The following EOGT variants were observed in gnomAD, a reference collection of about 807,000 sequenced individuals.
The protein encoded by EOGT is EGF domain specific O-linked N-acetylglucosamine transferase.
Under a neutral mutation model 70.5 loss-of-function variants are expected in EOGT, and 55 were observed. That is an observed-to-expected ratio of 0.78 (90% CI 0.63 to 0.98). The LOEUF is 0.98. Ranked by LOEUF, EOGT falls within the 50% of genes least tolerant of loss-of-function variation. EOGT has a pLI of 0.00. For missense variants in EOGT, 703 were observed against 641.9 expected (o/e 1.10, Z -1.03); for synonymous variants, 246 against 217.1 (o/e 1.13, Z -1.17).
At position 68,977,898 on chromosome 3, in the gene EOGT, T is replaced by G. The variant is rs1004500491; in HGVS notation, c.1438-134A>C. ...TCAGAGACCAGCAAACTTTTCCTGA[T>G]AAGGGCCAGATGATAAATATTTTCA... On this transcript the variant is annotated intron_variant, in intron 17 of 17. Transcript: ENST00000383701. The G allele has an allele frequency of 3.6e-6, 3 of 831,306 alleles. No individual in the cohort carries two copies. The African/African-American group carries it at 5.2e-5, about 14-fold the overall frequency. 51.5% of individuals were successfully genotyped at this position (831,306 alleles called of 1,614,324 possible).
chr3:68,998,613 G>A (rs1231625478), intron 9 of EOGT, among the ~76,000 whole-genome samples: 3 of 152,120 alleles, frequency 2.0e-5, no homozygotes, highest in Admixed American at 6.6e-5. Context: ...CAGCACTTTG[G>A]GAGGCTGAGG....
chr3:69,008,746 C>A (rs567821127), intron 4 of EOGT, among the ~76,000 whole-genome samples: 3 of 152,192 alleles, frequency 2.0e-5, no homozygotes, highest in Non-Finnish European at 4.4e-5. Flanking sequence ...CCATATCGGT[C>A]CCCTAACCGA....
Position 68,977,337 on chromosome 3 carries a change from AG to A in EOGT, c.*280del. The A allele has an allele frequency of 1.2e-5, 3 of 256,934 alleles. No individual in the cohort carries two copies. The highest frequency in any genetic ancestry group is 6.0e-5 in the South Asian group (1 of 16,688). 15.9% of individuals were successfully genotyped at this position (256,934 alleles called of 1,614,324 possible). A position where few individuals can be genotyped will look rare whatever the true frequency, so the allele number is the denominator to read the frequency against. The stretch of plus-strand genomic sequence containing the variant: ...AGACTCTGTCTCCAAAAAAAAAAAA[AG>A]AAAGAAAGAAAGTTAAAGTATACTG... On this transcript the variant is annotated 3_prime_UTR_variant, in exon 18 of 18. Coordinates refer to ENST00000383701, the MANE Select transcript of EOGT (RefSeq NM_001278689.2).
chr3:68,980,042 A>G (rs1317798102), intron 15 of EOGT, among the ~76,000 whole-genome samples: 1 of 152,164 alleles, frequency 6.6e-6, no homozygotes, highest in Non-Finnish European at 1.5e-5. Flanking sequence ...GGAAACTTTA[A>G]TATCTGTCTT....
At chr3:69,005,281 CAAA>C in intron 6 of EOGT, 47 bp from the exon 7 acceptor site, 1 of 1,082,110 alleles carries the variant, frequency 9.2e-7, no homozygotes, top group Non-Finnish European at 1.4e-6. Flanking sequence ...ATTAACACAG[CAAA>C]GACTCATCCG....
At chr3:69,006,058 A>G (rs906848260) in intron 6 of EOGT, among the ~76,000 whole-genome samples, 1 of 152,196 alleles carries the variant, frequency 6.6e-6, no homozygotes, top group South Asian at 2.1e-4. Context: ...TACCCAGTCT[A>G]TGGTATTTTG....
rs2090473708 is a variant in EOGT at position 68,976,423 on chromosome 3, A to G, written c.*1195T>C. The G allele has an allele frequency of 6.6e-6, 1 of 152,230 alleles. No homozygotes were observed. Among genetic ancestry groups the G allele is most frequent in the Non-Finnish European group, 1.5e-5 (1 of 68,038 alleles). 9.4% of individuals were successfully genotyped at this position (152,230 alleles called of 1,614,324 possible). ...CTAAGAAGGAATCAGTGGAAACCAGACAGAAGGTATGCAAGACAGTCCTAC... is the reference window on the plus strand; with the variant it reads ...CTAAGAAGGAATCAGTGGAAACCAGGCAGAAGGTATGCAAGACAGTCCTAC... On this transcript the variant is annotated 3_prime_UTR_variant, in exon 18 of 18. Transcript: ENST00000383701.
rs2090457639 is a variant in EOGT, at chr3:68,975,792, T to A, written c.*1826A>T. On this transcript the variant is annotated 3_prime_UTR_variant, in exon 18 of 18. Coordinates refer to ENST00000383701, the MANE Select transcript of EOGT (RefSeq NM_001278689.2). ...AGGTATTTTAATAAATATTCCTCAA[T>A]TCTAGAAGACTGTTCCAATCCTTTA... 6.6e-6 allele frequency: 1 copy of A among 152,196 alleles called. No homozygotes were observed. Among genetic ancestry groups the A allele is most frequent in the Admixed American group, 6.5e-5 (1 of 15,280 alleles). The allele number at this position is 152,196 out of a possible 1,614,324, so 9.4% of individuals were successfully genotyped here.
In EOGT at chr3:68,977,721, T is replaced by C; in HGVS notation, c.1481A>G (p.Tyr494Cys). 2 of 1,613,608 alleles carry C rather than the reference T, an allele frequency of 1.2e-6. No individual in the cohort carries two copies. The highest frequency in any genetic ancestry group is 1.7e-6 in the Non-Finnish European group (2 of 1,179,856). ...TLGEHPKFTN[Y>C]SFDVEEFMYL... The stretch of plus-strand genomic sequence containing the variant: ...CATAAATTCTTCTACATCGAAAGAG[T>C]AGTTGGTGAACTTCGGGTGCTCCCC... Residue 494 changes from tyrosine to cysteine, a missense_variant, in exon 18 of 18, where the codon TAC (tyrosine) becomes TGC (cysteine). By Grantham distance (194) the Tyr-to-Cys change is radical. Transcript: ENST00000383701.
rs1009453866 is a variant in EOGT, at chr3:68,990,370, T to G, written c.832-1353A>C. 1.0e-4 allele frequency among the ~76,000 whole-genome samples: 11 copies of G among 106,310 alleles called. No individual in the cohort carries two copies. The South Asian group carries it at 3.1e-3, about 30-fold the overall frequency. 69.7% of individuals were successfully genotyped at this position (106,310 alleles called of 152,430 possible). ...ATGCTTTTTTTTTTTTTTTTTTTTT[T>G]GAGACTGAGTCTCACCCTGTTGCCC... On this transcript the variant is annotated intron_variant, in intron 10 of 17. Transcript: ENST00000383701.
intron 14 of EOGT, among the ~76,000 whole-genome samples, chr3:68,983,957 C>G (rs948771013): frequency 3.3e-5 from 5 of 152,180 alleles, no homozygotes; most frequent in African/African-American, 2.4e-5. Flanking sequence ...GAGCAAAACT[C>G]TGTCTAAAAA....
At chr3:68,988,197 A>G (rs1202129949) in intron 13 of EOGT, 98 bp downstream of exon 13, 25 of 860,396 alleles carry the variant, frequency 2.9e-5, no homozygotes, top group Non-Finnish European at 4.3e-5. Context: ...ACACAAAAAC[A>G]TGGTCTCCTG....
rs954868043 is a variant in EOGT at position 69,004,488 on chromosome 3, A to C, written c.516-6T>G. ...GGAAAAAGTCCTCCTTAAATCTGGTATATAACAAAACATTAAGTTAAGTTC... is the reference window on the plus strand; with the variant it reads ...GGAAAAAGTCCTCCTTAAATCTGGTCTATAACAAAACATTAAGTTAAGTTC... On this transcript the variant is annotated splice_polypyrimidine_tract_variant and splice_region_variant and intron_variant, in intron 7 of 17. Transcript: ENST00000383701. 1.9e-6 allele frequency: 3 copies of C among 1,599,936 alleles called. No homozygotes were observed. In the African/African-American group the frequency reaches 4.0e-5, roughly 21 times the overall value.
In EOGT at chr3:68,988,572, A is replaced by C. The variant is rs1303855264; in HGVS notation, c.930T>G (p.Cys310Trp). Residue 310 changes from cysteine (C) to tryptophan (W), a missense_variant, in exon 12 of 18, where the codon TGT becomes TGG. Physicochemically the swap from Cys to Trp is radical, Grantham distance 215. Transcript: ENST00000383701. Reference sequence around the variant, plus strand: ...GTAATGAAAAAACAGCTTCTTTAAAACATACCTAAGAACAAAGATACATTA... The same window carrying C: ...GTAATGAAAAAACAGCTTCTTTAAACCATACCTAAGAACAAAGATACATTA... ...HLKTYDSKRV[C>W]FKEAVFSLLP... 1.7e-5 allele frequency: 26 copies of C among 1,526,926 alleles called. No individual in the cohort carries two copies. Among genetic ancestry groups the C allele is most frequent in the Non-Finnish European group, 2.3e-5 (26 of 1,141,090 alleles). The allele number at this position is 1,526,926 out of a possible 1,614,324, so 94.6% of individuals were successfully genotyped here. A position where few individuals can be genotyped will look rare whatever the true frequency, so the allele number is the denominator to read the frequency against.
At chr3:68,999,217 C>T (rs547032574) in intron 9 of EOGT, among the ~76,000 whole-genome samples, 1 of 152,292 alleles carries the variant, frequency 6.6e-6, no homozygotes, top group Non-Finnish European at 1.5e-5. Context: ...TTAAAGTACC[C>T]ATCCCAGTGC....
Position 68,978,408 on chromosome 3 carries a change from G to A in EOGT, c.1362C>T (p.Tyr454=), listed in dbSNP as rs2090534764. 1 of 1,611,720 alleles carries A rather than the reference G, an allele frequency of 6.2e-7. No homozygotes were observed. The highest frequency in any genetic ancestry group is 8.5e-7 in the Non-Finnish European group (1 of 1,179,228). The change falls in exon 17 of 18, where the codon TAC becomes TAT. Residue 454 remains tyrosine, a synonymous_variant. Transcript: ENST00000383701. ...CGCCTCTCAGCCTGGCCAAGTCTAAGTAACAGCGTTCATCTTCACAGTTGT... is the reference window on the plus strand; with the variant it reads ...CGCCTCTCAGCCTGGCCAAGTCTAAATAACAGCGTTCATCTTCACAGTTGT... ...ELYNCEDERC[Y]LDLARLRGVH... is the part of the protein sequence containing the mutation.
At chr3:68,988,189 A>G in intron 13 of EOGT, 106 bp downstream of exon 13, 1 of 826,768 alleles carries the variant, frequency 1.2e-6, no homozygotes, top group East Asian at 2.7e-5. Flanking sequence ...AAATGTTAAC[A>G]CAAAAACATG....
intron 9 of EOGT, among the ~76,000 whole-genome samples, chr3:69,000,647 CCT>C: frequency 6.6e-6 from 1 of 152,228 alleles, no homozygotes; most frequent in African/African-American, 2.4e-5. Flanking sequence ...GTAAACCCAA[CCT>C]CTCATGAATT....
At chr3:68,985,412 A>C (rs1261468371) in intron 14 of EOGT, among the ~76,000 whole-genome samples, 1 of 152,200 alleles carries the variant, frequency 6.6e-6, no homozygotes, top group Admixed American at 6.5e-5. Context: ...CAGCCAAATT[A>C]GTCTGTGTAA....
Sources: gnomAD v4.1 joint callset for allele counts (sites outside exome capture counted in the v4.1 genomes callset) on GRCh38, gnomAD v4.1.1 for gene constraint, MANE v1.5 for transcripts, NCBI Gene and HGNC (gene_info 2026-07-23, HGNC 2026-07-21) for gene names.